The following PDE4B variants were observed in gnomAD, a reference collection of about 807,000 sequenced individuals.
PDE4B encodes the protein 3',5'-cyclic-AMP phosphodiesterase 4B.
In PDE4B, 20 loss-of-function variants were observed where a neutral mutation model predicts 82.2. That is an observed-to-expected ratio of 0.24 (90% confidence interval 0.17 to 0.35). PDE4B has a LOEUF of 0.35. Ranked by LOEUF, PDE4B falls within the 10% of genes least tolerant of loss-of-function variation. PDE4B has a pLI of 1.00. For synonymous variants in PDE4B, 320 were observed against 318.9 expected (o/e 1.00, Z -0.04); for missense variants, 655 against 907.2 (o/e 0.72, Z 3.57).
chr1:65,844,872 A>G (rs891441962), intron 1 of PDE4B, among the ~76,000 whole-genome samples: 3 of 152,146 alleles, frequency 2.0e-5, no homozygotes, highest in African/African-American at 7.2e-5. Flanking sequence ...AGAATTATGG[A>G]GGAATTCTGA....
At chr1:66,043,676 C>G (rs1372317060) in intron 3 of PDE4B, among the ~76,000 whole-genome samples, 1 of 151,692 alleles carries the variant, frequency 6.6e-6, no homozygotes, top group Non-Finnish European at 1.5e-5. Flanking sequence ...AAACTAATTT[C>G]TAATGGCAGT....
chr1:66,139,735 C>CAAAAAAAAAAAAA (rs10654385), intron 3 of PDE4B, among the ~76,000 whole-genome samples: 1 of 100,042 alleles, frequency 1.0e-5, no homozygotes, highest in Non-Finnish European at 2.1e-5. Context: ...CCTCCCCCCT[C>CAAAAAAAAAAAAA]AAAAAAAAAA....
intron 3 of PDE4B, among the ~76,000 whole-genome samples, chr1:66,226,878 G>GA (rs564697236): frequency 6.6e-6 from 1 of 152,084 alleles, no homozygotes; most frequent in African/African-American, 2.4e-5. Context: ...AATGACTGTT[G>GA]AAAAAAATCC....
chr1:66,120,061 T>C (rs1210529034), intron 3 of PDE4B, among the ~76,000 whole-genome samples: 1 of 152,208 alleles, frequency 6.6e-6, no homozygotes, highest in African/African-American at 2.4e-5. Context: ...AATATATTTA[T>C]GTTGTTTAAG....
chr1:65,970,891 A>G (rs1314284990), intron 3 of PDE4B, among the ~76,000 whole-genome samples: 1 of 151,952 alleles, frequency 6.6e-6, no homozygotes, highest in Non-Finnish European at 1.5e-5. Flanking sequence ...AGTAGCAGGA[A>G]ATGAGGCCAA....
At chr1:66,082,196 T>C (rs1009744329) in intron 3 of PDE4B, among the ~76,000 whole-genome samples, 1 of 152,092 alleles carries the variant, frequency 6.6e-6, no homozygotes, top group Admixed American at 6.6e-5. Flanking sequence ...TTTGCAGTCT[T>C]CTTTTACTAT....
At chr1:65,940,085 C>T (rs1246892581) in intron 3 of PDE4B, among the ~76,000 whole-genome samples, 1 of 152,030 alleles carries the variant, frequency 6.6e-6, no homozygotes, top group Non-Finnish European at 1.5e-5. Context: ...ATAAGCTGAG[C>T]AAAAGAATGC....
At chr1:66,199,556 A>G (rs998618986) in intron 3 of PDE4B, among the ~76,000 whole-genome samples, 16 of 151,936 alleles carry the variant, frequency 1.1e-4, no homozygotes, top group African/African-American at 3.1e-4. Flanking sequence ...ATTTTCTCCC[A>G]TTTTGTAAGT....
chr1:65,884,257 G>A (rs1646745061), intron 1 of PDE4B, among the ~76,000 whole-genome samples: 1 of 152,102 alleles, frequency 6.6e-6, no homozygotes, highest in South Asian at 2.1e-4. Flanking sequence ...TGTACCTCTG[G>A]TAGAATTTGG....
chr1:66,308,946 G>T (rs1658477806), intron 7 of PDE4B, among the ~76,000 whole-genome samples: 1 of 152,116 alleles, frequency 6.6e-6, no homozygotes. Flanking sequence ...AAACAGCCTT[G>T]TAATTAGAAA....
At chr1:66,309,944 A>C (rs546685018) in intron 7 of PDE4B, among the ~76,000 whole-genome samples, 4 of 152,212 alleles carry the variant, frequency 2.6e-5, no homozygotes, top group Non-Finnish European at 4.4e-5. Flanking sequence ...AGTACCTGCC[A>C]GGCTCTCCCA....
chr1:66,100,645 C>T (rs558603298), intron 3 of PDE4B, among the ~76,000 whole-genome samples: 2 of 152,214 alleles, frequency 1.3e-5, no homozygotes, highest in East Asian at 1.9e-4. Flanking sequence ...TCCAGCTTCA[C>T]TGTTGTTGTG....
intron 3 of PDE4B, among the ~76,000 whole-genome samples, chr1:66,164,397 G>A (rs1464166435): frequency 3.3e-5 from 5 of 151,558 alleles, no homozygotes; most frequent in East Asian, 1.9e-4. Context: ...ATAGCCCGGC[G>A]TGGTGGCAGG....
chr1:66,225,937 G>T (rs753765003), intron 3 of PDE4B, among the ~76,000 whole-genome samples: 1 of 152,136 alleles, frequency 6.6e-6, no homozygotes, highest in Non-Finnish European at 1.5e-5. Flanking sequence ...TCTTCTGTTG[G>T]TGCAAACACT....
chr1:66,270,907 T>G (rs1655429284), intron 7 of PDE4B, among the ~76,000 whole-genome samples: 1 of 152,268 alleles, frequency 6.6e-6, no homozygotes, highest in Non-Finnish European at 1.5e-5. Flanking sequence ...CCTTAATTAC[T>G]CGCCTTCAGC....
At chr1:66,355,412 C>A in intron 8 of PDE4B, 115 bp from the exon 9 acceptor site, 2 of 527,396 alleles carry the variant, frequency 3.8e-6, no homozygotes, top group Non-Finnish European at 3.4e-6. Context: ...TATTATTTAT[C>A]TAATGGTATC....
intron 3 of PDE4B, among the ~76,000 whole-genome samples, chr1:66,122,627 G>A (rs569391628): frequency 1.3e-5 from 2 of 151,640 alleles, no homozygotes; most frequent in East Asian, 1.9e-4. Context: ...TTGAGATAGA[G>A]GAACATGACA....
At chr1:65,880,304 T>C (rs1170841775) in intron 1 of PDE4B, among the ~76,000 whole-genome samples, 3 of 152,192 alleles carry the variant, frequency 2.0e-5, no homozygotes, top group Non-Finnish European at 4.4e-5. Flanking sequence ...ATCAATGTAA[T>C]ATAAATCTTT....
chr1:65,918,506 G>A, intron 2 of PDE4B, 91 bp from the exon 3 acceptor site: 2 of 745,664 alleles, frequency 2.7e-6, no homozygotes, highest in South Asian at 3.3e-5. Context: ...ATAAGTGACA[G>A]CTTGATCATT....
Sources: allele counts gnomAD v4.1 joint callset (sites outside exome capture counted in the v4.1 genomes callset), GRCh38; gene constraint gnomAD v4.1.1; transcripts MANE v1.5; gene names NCBI Gene and HGNC (gene_info 2026-07-23, HGNC 2026-07-21).